Variants in MDGA2 observed in about 807,000 individuals in gnomAD.
The protein encoded by MDGA2 is MAM domain-containing glycosylphosphatidylinositol anchor protein 2.
MDGA2 carries 40 observed loss-of-function variants against 117.8 expected under a neutral mutation model. The ratio of observed to expected loss-of-function variants is 0.34; its 90% CI spans 0.26 to 0.44. The LOEUF is 0.44. Ranked by LOEUF, MDGA2 falls within the 20% of genes least tolerant of loss-of-function variation. MDGA2 has a pLI of 1.00. For synonymous variants in MDGA2, 452 were observed against 439.0 expected (o/e 1.03, Z -0.37); for missense variants, 1,123 against 1,250.6 (o/e 0.90, Z 1.54).
chr14:46,948,180 T>C (rs1391401057), intron 9 of MDGA2, among the ~76,000 whole-genome samples: 1 of 152,200 alleles, frequency 6.6e-6, no homozygotes, highest in Non-Finnish European at 1.5e-5. Context: ...AGGATGAAAT[T>C]TTATGTATTT....
chr14:47,332,223 A>T (rs1038275027), intron 1 of MDGA2, among the ~76,000 whole-genome samples: 1 of 152,016 alleles, frequency 6.6e-6, no homozygotes, highest in East Asian at 1.9e-4. Context: ...AAGCTGAAAG[A>T]CAGTCATTTA....
intron 2 of MDGA2, among the ~76,000 whole-genome samples, chr14:47,243,142 T>C (rs1053157121): frequency 5.3e-5 from 8 of 151,612 alleles, no homozygotes; most frequent in African/African-American, 1.9e-4. Flanking sequence ...ACCCTGTGTT[T>C]AGCTCAGGGT....
At chr14:47,579,277 A>G (rs1896183881) in intron 1 of MDGA2, among the ~76,000 whole-genome samples, 1 of 151,980 alleles carries the variant, frequency 6.6e-6, no homozygotes, top group Non-Finnish European at 1.5e-5. Context: ...TGCCATATTT[A>G]TTTTTGTCCT....
intron 1 of MDGA2, among the ~76,000 whole-genome samples, chr14:47,545,093 C>T (rs1310139828): frequency 6.6e-6 from 1 of 152,078 alleles, no homozygotes; most frequent in East Asian, 1.9e-4. Flanking sequence ...ATGAAAAATG[C>T]TGGCCTTCTA....
chr14:46,852,009 G>C (rs1326237056), intron 15 of MDGA2, among the ~76,000 whole-genome samples: 4 of 151,618 alleles, frequency 2.6e-5, no homozygotes, highest in Non-Finnish European at 5.9e-5. Flanking sequence ...TGTGTTTCAC[G>C]TTTCCTTGAA....
chr14:47,026,673 G>C (rs1888484653), intron 8 of MDGA2, among the ~76,000 whole-genome samples: 1 of 152,006 alleles, frequency 6.6e-6, no homozygotes, highest in African/African-American at 2.4e-5. Flanking sequence ...CTGTATTTGG[G>C]AAGAAAGAAT....
chr14:47,644,760 C>T (rs75035868), intron 1 of MDGA2, among the ~76,000 whole-genome samples: 12,627 of 151,998 alleles, frequency 0.083, 1,389 homozygotes, highest in African/African-American at 0.24. Flanking sequence ...GACGGACATG[C>T]TAAATGCCCT....
rs920034574 is a variant in MDGA2, at chr14:47,442,979, C to T, written c.281-141429G>A. On this transcript the variant is annotated intron_variant, in intron 1 of 16. Transcript: ENST00000399232. ...ATCTCAGTTATCAGATGGACTGTCACTGAATTGCCGTTCTTGTGTTCAAGT... is the reference window on the plus strand; with the variant it reads ...ATCTCAGTTATCAGATGGACTGTCATTGAATTGCCGTTCTTGTGTTCAAGT... Among the ~76,000 whole-genome samples, 3 of 152,120 alleles carry T rather than the reference C, an allele frequency of 2.0e-5. No individual in the cohort carries two copies. The East Asian group carries it at 5.8e-4, about 29-fold the overall frequency.
intron 8 of MDGA2, chr14:46,996,834 C>A: frequency 9.1e-6 from 2 of 218,934 alleles, no homozygotes; most frequent in Non-Finnish European, 1.8e-5. Flanking sequence ...TCATGCCCCT[C>A]AAGGATATGA....
chr14:47,178,420 G>T (rs1352609357), intron 3 of MDGA2, among the ~76,000 whole-genome samples: 1 of 152,092 alleles, frequency 6.6e-6, no homozygotes, highest in South Asian at 2.1e-4. Context: ...GGTATGCCTG[G>T]AAACCTTTGA....
At chr14:47,645,270 A>C (rs2900011) in intron 1 of MDGA2, among the ~76,000 whole-genome samples, 48,144 of 151,034 alleles carry the variant, frequency 0.32, 8,329 homozygotes, top group Middle Eastern at 0.41. Context: ...TTTTAGAGGG[A>C]GTCCCGCTGT....
chr14:47,473,081 T>G (rs1388307213), intron 1 of MDGA2, among the ~76,000 whole-genome samples: 1 of 152,082 alleles, frequency 6.6e-6, no homozygotes, highest in African/African-American at 2.4e-5. Flanking sequence ...TTATTTATAA[T>G]AGAGGACACC....
intron 1 of MDGA2, among the ~76,000 whole-genome samples, chr14:47,384,012 G>T (rs989167486): frequency 8.5e-6 from 1 of 117,684 alleles, no homozygotes; most frequent in Non-Finnish European, 1.9e-5. Context: ...TAGATAGATA[G>T]ATAATAGATA....
intron 1 of MDGA2, among the ~76,000 whole-genome samples, chr14:47,658,294 C>G (rs1490691215): frequency 6.6e-6 from 1 of 152,148 alleles, no homozygotes; most frequent in Non-Finnish European, 1.5e-5. Flanking sequence ...TGTTGATGCT[C>G]TCTTACCTAG....
chr14:47,225,043 C>T (rs1886435357), intron 2 of MDGA2, among the ~76,000 whole-genome samples: 1 of 152,086 alleles, frequency 6.6e-6, no homozygotes, highest in Admixed American at 6.5e-5. Flanking sequence ...AAAAAAAGAA[C>T]CACAATTTTC....
intron 1 of MDGA2, among the ~76,000 whole-genome samples, chr14:47,422,797 GT>G (rs1892606206): frequency 6.6e-6 from 1 of 152,038 alleles, no homozygotes; most frequent in South Asian, 2.1e-4. Context: ...CACAATACAT[GT>G]CTCTTCTGTG....
At chr14:47,144,295 C>T in intron 3 of MDGA2, 21 bp from the exon 4 acceptor site, 1 of 1,525,380 alleles carries the variant, frequency 6.6e-7, no homozygotes, top group Non-Finnish European at 8.9e-7. Flanking sequence ...TAAAAACAAC[C>T]AAATGGCAAT....
chr14:47,575,602 T>C (rs1896101169), intron 1 of MDGA2, among the ~76,000 whole-genome samples: 1 of 152,166 alleles, frequency 6.6e-6, no homozygotes, highest in Non-Finnish European at 1.5e-5. Context: ...AGGTAATCAT[T>C]AGAAAATAAA....
At chr14:46,964,919 C>CTTTTTTGTT (rs1885957144) in intron 8 of MDGA2, among the ~76,000 whole-genome samples, 1 of 89,814 alleles carries the variant, frequency 1.1e-5, no homozygotes, top group Non-Finnish European at 2.0e-5. Context: ...TATATATTTA[C>CTTTTTTGTT]TTTTTTTTTT....
Sources: gnomAD v4.1 joint callset for allele counts (sites outside exome capture counted in the v4.1 genomes callset) on GRCh38, gnomAD v4.1.1 for gene constraint, MANE v1.5 for transcripts, NCBI Gene and HGNC (gene_info 2026-07-23, HGNC 2026-07-21) for gene names.